Variants in ZSCAN12 observed in about 807,000 individuals in gnomAD.
ZSCAN12 encodes zinc finger and SCAN domain-containing protein 12.
Under a neutral mutation model 23.4 loss-of-function variants are expected in ZSCAN12, and 18 were observed. That is an observed-to-expected ratio of 0.77 (90% CI 0.53 to 1.14). The LOEUF (loss-of-function observed/expected upper bound fraction) is 1.14. Ranked by LOEUF, ZSCAN12 falls within the 50% of genes most tolerant of loss-of-function variation. The pLI is 0.00. For missense variants in ZSCAN12, 650 were observed against 735.0 expected (o/e 0.88, Z 1.34); for synonymous variants, 186 against 253.4 (o/e 0.73, Z 2.53).
rs1353221292 is a variant in ZSCAN12, at chr6:28,387,772, T to C, written c.*2682A>G. ...GTGACCCAACCAATGACAAAGAAGT[T>C]CCCAACCTCCTTGGACTCTTGCTGG... is the stretch of plus-strand genomic sequence containing the variant. On this transcript the variant is annotated 3_prime_UTR_variant, in exon 4 of 4. Transcript: ENST00000684592. 6.6e-6 allele frequency among the ~76,000 whole-genome samples: 1 copy of C among 152,172 alleles called. No homozygotes were observed. The highest frequency in any genetic ancestry group is 1.5e-5 in the Non-Finnish European group (1 of 68,034).
chr6:28,382,914 ATATT>A (rs1192158904), downstream of ZSCAN12, among the ~76,000 whole-genome samples: 2 of 98,484 alleles, frequency 2.0e-5, no homozygotes, highest in African/African-American at 5.4e-5. Context: ...ACAACGGCTA[ATATT>A]TATTTAAAAT....
At chr6:28,381,084 G>C (rs1232436722), downstream of ZSCAN12, 1 of 152,220 alleles carries the variant, frequency 6.6e-6, no homozygotes, top group East Asian at 1.9e-4. Context: ...TAGGCAGAAA[G>C]AGACTGGAAG....
At position 28,386,423 on chromosome 6, in the gene ZSCAN12, G is replaced by A. The variant is rs1258941601; in HGVS notation, c.*4031C>T. Among the ~76,000 whole-genome samples the A allele has an allele frequency of 6.6e-6, 1 of 152,070 alleles. No homozygotes were observed. Among genetic ancestry groups the A allele is most frequent in the Non-Finnish European group, 1.5e-5 (1 of 68,012 alleles). ...ATATTCTTCGTTTCCATCCCACCCC[G>A]TTATTGTTATTTCAAAATCCACATA... On this transcript the variant is annotated 3_prime_UTR_variant, in exon 4 of 4. Coordinates refer to ENST00000684592, the MANE Select transcript of ZSCAN12 (RefSeq NM_001163391.2).
chr6:28,382,369 A>C (rs377253691), downstream of ZSCAN12: 75 of 1,393,152 alleles, frequency 5.4e-5, no homozygotes, highest in South Asian at 3.9e-4. Flanking sequence ...CAGCTCTGTA[A>C]AGTCCAGGTA....
chr6:28,386,501 C>T lies in ZSCAN12; in HGVS notation c.*3953G>A, dbSNP rs1168274362. The stretch of plus-strand genomic sequence containing the variant: ...TCCTAGGATCTTGTCACTGTCACAC[C>T]ACATCTATATGTTATCCACAAAATG... On this transcript the variant is annotated 3_prime_UTR_variant, in exon 4 of 4. Transcript: ENST00000684592. Among the ~76,000 whole-genome samples, 1 of 152,150 alleles carries T rather than the reference C, an allele frequency of 6.6e-6. No individual in the cohort carries two copies. Among genetic ancestry groups the T allele is most frequent in the African/African-American group, 2.4e-5 (1 of 41,422 alleles).
chr6:28,392,797 C>A, intron 3 of ZSCAN12, 105 bp downstream of exon 3: 5 of 1,300,672 alleles, frequency 3.8e-6, no homozygotes, highest in Non-Finnish European at 5.2e-6. Context: ...TCTGAGACGG[C>A]CTTTTTGACT....
intron 3 of ZSCAN12, among the ~76,000 whole-genome samples, chr6:28,392,405 T>C (rs1760888427): frequency 6.6e-6 from 1 of 152,208 alleles, no homozygotes; most frequent in Non-Finnish European, 1.5e-5. Context: ...CTCGAACTCC[T>C]GACCTCGTGA....
rs1328782308 is a variant in ZSCAN12, at chr6:28,385,937, T to C, written c.*4517A>G. On this transcript the variant is annotated 3_prime_UTR_variant, in exon 4 of 4. Transcript: ENST00000684592. ...GAGGTCTCTACAACCAACCTCATTA[T>C]ACAGTTGAGATGTCTCAATTTGGAG... is the stretch of plus-strand genomic sequence containing the variant. Among the ~76,000 whole-genome samples the C allele has an allele frequency of 6.6e-6, 1 of 152,250 alleles. No individual in the cohort carries two copies. Among genetic ancestry groups the C allele is most frequent in the African/African-American group, 2.4e-5 (1 of 41,476 alleles).
At chr6:28,381,520 A>C (rs7765932), downstream of ZSCAN12, 3 of 152,220 alleles carry the variant, frequency 2.0e-5, no homozygotes, top group Non-Finnish European at 4.4e-5. Flanking sequence ...GTCAAAAAAA[A>C]CAAAACCCCA....
At chr6:28,399,086 G>C (rs954690420) in intron 1 of ZSCAN12, among the ~76,000 whole-genome samples, 1 of 152,182 alleles carries the variant, frequency 6.6e-6, no homozygotes, top group African/African-American at 2.4e-5. Context: ...TTTAGATCAA[G>C]TAAATAATAA....
In ZSCAN12 at chr6:28,391,068, G is replaced by A; in HGVS notation, c.1222C>T (p.His408Tyr). 1 of 1,553,478 alleles carries A rather than the reference G, an allele frequency of 6.4e-7. No homozygotes were observed. Among genetic ancestry groups the A allele is most frequent in the Non-Finnish European group, 8.7e-7 (1 of 1,147,758 alleles). Residue 408 changes from histidine to tyrosine, a missense_variant, in exon 4 of 4, where the codon CAT becomes TAT. Physicochemically the swap from His to Tyr is moderately conservative, Grantham distance 83. Coordinates refer to ENST00000684592, the MANE Select transcript of ZSCAN12 (RefSeq NM_001163391.2). The surrounding 1 kb of genome is among the most constrained non-coding windows in gnomAD (Gnocchi z 4.1). ...CACTCATACGGCTTGGCGCCGGTAT[G>A]AACTCCTTGATGCTGAGTAAGTATG... The part of the protein sequence containing the change: ...RSILTQHQGV[H>Y]TGAKPYECNE...
intron 2 of ZSCAN12, among the ~76,000 whole-genome samples, chr6:28,397,162 G>T (rs1317402442): frequency 6.6e-6 from 1 of 151,674 alleles, no homozygotes; most frequent in East Asian, 1.9e-4. Flanking sequence ...GATACTAGCA[G>T]CACCTCCCCG....
rs1486646454 is a variant in ZSCAN12, at chr6:28,387,973, C to T, written c.*2481G>A. On this transcript the variant is annotated 3_prime_UTR_variant, in exon 4 of 4. Transcript: ENST00000684592. ...CTCTCCGAATAAATCTGCTTTTCCT[C>T]GCACCAATTTTCTTCTCTCCCGAGT... Among the ~76,000 whole-genome samples the T allele has an allele frequency of 2.6e-5, 4 of 152,168 alleles. No homozygotes were observed. Among genetic ancestry groups the T allele is most frequent in the East Asian group, 1.9e-4 (1 of 5,188 alleles).
At chr6:28,378,856 G>A (rs1054033756), downstream of ZSCAN12, 6 of 152,022 alleles carry the variant, frequency 3.9e-5, no homozygotes, top group African/African-American at 7.2e-5. Flanking sequence ...GGAATGCAAG[G>A]TTGGTTCAAT....
chr6:28,397,863 A>G, intron 2 of ZSCAN12, 141 bp downstream of exon 2: 1 of 1,075,926 alleles, frequency 9.3e-7, no homozygotes, highest in South Asian at 2.1e-5. Context: ...CACATTAGCC[A>G]ACTTTCCGTG....
chr6:28,397,317 C>T (rs746091656), intron 2 of ZSCAN12, among the ~76,000 whole-genome samples: 3 of 147,496 alleles, frequency 2.0e-5, no homozygotes, highest in Non-Finnish European at 1.5e-5. Flanking sequence ...AAAACAAAAA[C>T]GTTCTACATA....
Position 28,392,945 on chromosome 6 carries a change from C to A in ZSCAN12, c.504G>T (p.Gln168His), listed in dbSNP as rs1463638387. ...CAAGTTCTGGAGATTCATACTTTGG[C>A]TGGGCTTTCATGGACTGGAGGGACA... ...PSMSLQSMKA[Q>H]PKYESPELES... is the part of the protein sequence containing the mutation. The change falls in exon 3 of 4, where the codon CAG (glutamine) becomes CAT (histidine). Residue 168 changes from glutamine to histidine, a missense_variant. Transcript: ENST00000684592. 8 of 1,552,118 alleles carry A rather than the reference C, an allele frequency of 5.2e-6. No individual in the cohort carries two copies. In the East Asian group the frequency reaches 1.2e-4, roughly 24 times the overall value.
chr6:28,398,508 C>T (rs1216646737), intron 1 of ZSCAN12, 35 bp from the exon 2 acceptor site: 3 of 1,261,180 alleles, frequency 2.4e-6, no homozygotes. Context: ...ATACAAACTC[C>T]ACCATAAAGT....
At chr6:28,396,017 TGA>T (rs1306084400) in intron 2 of ZSCAN12, among the ~76,000 whole-genome samples, 25 of 137,116 alleles carry the variant, frequency 1.8e-4, no homozygotes, top group African/African-American at 6.0e-4. Context: ...AGGTGTTTGT[TGA>T]TTTTTTTTTT....
Sources: allele counts gnomAD v4.1 joint callset (sites outside exome capture counted in the v4.1 genomes callset), GRCh38; gene constraint gnomAD v4.1.1; non-coding constraint Gnocchi (gnomAD v3.1); transcripts MANE v1.5; gene names NCBI Gene and HGNC (gene_info 2026-07-23, HGNC 2026-07-21).